Variants in PBRM1 observed in about 807,000 individuals in gnomAD.
The protein encoded by PBRM1 is protein polybromo-1.
Under a neutral mutation model 194.5 loss-of-function variants are expected in PBRM1, and 27 were observed. The ratio of observed to expected loss-of-function variants is 0.14; its 90% confidence interval spans 0.10 to 0.19. The LOEUF is 0.19. PBRM1 is among the 10% of genes least tolerant of loss of function. PBRM1 has a pLI of 1.00. For synonymous variants in PBRM1, 655 were observed against 693.2 expected (o/e 0.94, Z 0.87); for missense variants, 1,466 against 2,077.2 (o/e 0.71, Z 5.72).
chr3:52,556,676 G>C (rs2082283792), intron 26 of PBRM1, among the ~76,000 whole-genome samples: 1 of 152,226 alleles, frequency 6.6e-6, no homozygotes, highest in Non-Finnish European at 1.5e-5. Context: ...ACAGCAACAA[G>C]GCTAATAAGT....
At chr3:52,617,402 T>C (rs2095022978) in exon 14 of PBRM1, 1 of 1,614,008 alleles carries the variant, frequency 6.2e-7, no homozygotes, top group African/African-American at 1.3e-5. Context: ...AAGATGATTT[T>C]ATAATAATCA....
In PBRM1 at chr3:52,617,622, T is replaced by C. The variant is rs77006504; in HGVS notation, c.1542-84A>G. On this transcript the variant is annotated intron_variant, in intron 13 of 29. Transcript: ENST00000296302. ...ACGGATGACCACAAAATAAAACAAA[T>C]TATTTATGGTGCTTTATAATGATTA... 134 of 912,720 alleles carry C rather than the reference T, an allele frequency of 1.5e-4. 1 individual carries two copies. The East Asian group carries it at 3.2e-3, about 22-fold the overall frequency. The allele number at this position is 912,720 out of a possible 1,614,324, so 56.5% of individuals were successfully genotyped here.
chr3:52,672,814 G>T (rs776740714), intron 2 of PBRM1, among the ~76,000 whole-genome samples: 3 of 150,826 alleles, frequency 2.0e-5, no homozygotes, highest in Admixed American at 2.0e-4. Flanking sequence ...GTTTTGAAGA[G>T]AATAGTGATT....
At chr3:52,654,008 C>T (rs911158696) in intron 5 of PBRM1, among the ~76,000 whole-genome samples, 1 of 152,170 alleles carries the variant, frequency 6.6e-6, no homozygotes, top group Non-Finnish European at 1.5e-5. Flanking sequence ...GTCCTTGAAG[C>T]TTTCACAACA....
upstream of PBRM1, chr3:52,679,778 A>T: frequency 1.4e-6 from 2 of 1,457,494 alleles, no homozygotes; most frequent in Non-Finnish European, 1.9e-6. Context: ...TCTGTCACCA[A>T]GTCTTCAGCT....
intron 2 of PBRM1, among the ~76,000 whole-genome samples, chr3:52,675,433 C>T (rs2097076922): frequency 6.6e-6 from 1 of 152,170 alleles, no homozygotes; most frequent in African/African-American, 2.4e-5. Context: ...ATCAATATCC[C>T]TTATGAATAC....
chr3:52,636,999 A>T lies in PBRM1; in HGVS notation c.1088-2184T>A, dbSNP rs143476506. Among the ~76,000 whole-genome samples the T allele has an allele frequency of 4.0e-3, 612 of 152,202 alleles. 3 individuals are homozygous for T. Among genetic ancestry groups the T allele is most frequent in the South Asian group, 0.023 (110 of 4,824 alleles). On this transcript the variant is annotated intron_variant, in intron 10 of 29. Transcript: ENST00000296302. The stretch of plus-strand genomic sequence containing the variant: ...GGCATATGAGGTTAATTACTTGCAC[A>T]AGTTCAGCCACCACATAAAGCAGTT...
intron 26 of PBRM1, 40 bp downstream of exon 28, chr3:52,558,209 T>C (rs2082641161): frequency 7.0e-7 from 1 of 1,428,750 alleles, no homozygotes; most frequent in East Asian, 2.5e-5. Flanking sequence ...TGAAGGAATT[T>C]CTTAAAGTGG....
At chr3:52,617,897 T>C (rs778200351) in intron 13 of PBRM1, among the ~76,000 whole-genome samples, 2 of 152,216 alleles carry the variant, frequency 1.3e-5, no homozygotes, top group Non-Finnish European at 2.9e-5. Flanking sequence ...ACAGCCAAAG[T>C]GCAATAAAAC....
At chr3:52,591,999 G>A (rs1272842748) in intron 17 of PBRM1, among the ~76,000 whole-genome samples, 1 of 147,922 alleles carries the variant, frequency 6.8e-6, no homozygotes, top group Admixed American at 6.8e-5. Flanking sequence ...GCTAATTTTT[G>A]TATTTTTAGT....
At chr3:52,567,524 A>C (rs937972582) in intron 22 of PBRM1, among the ~76,000 whole-genome samples, 4 of 150,386 alleles carry the variant, frequency 2.7e-5, no homozygotes, top group Admixed American at 2.6e-4. Flanking sequence ...TCAACTAGTG[A>C]GAAATGTCTT....
intron 15 of PBRM1, 77 bp from the exon 18 acceptor site, chr3:52,610,032 A>G: frequency 1.2e-6 from 1 of 850,662 alleles, no homozygotes; most frequent in Non-Finnish European, 1.7e-6. Flanking sequence ...CATAACCACA[A>G]GGGACGATTC....
At chr3:52,594,551 T>C (rs1254290581) in intron 17 of PBRM1, among the ~76,000 whole-genome samples, 1 of 152,198 alleles carries the variant, frequency 6.6e-6, no homozygotes, top group Non-Finnish European at 1.5e-5. Flanking sequence ...TTGCCACTCT[T>C]GTTTCTTTTA....
At chr3:52,585,433 T>C (rs1475054172) in intron 20 of PBRM1, 1 of 152,258 alleles carries the variant, frequency 6.6e-6, no homozygotes, top group Non-Finnish European at 1.5e-5. Context: ...GATTCCATTT[T>C]GGTAATTTGT....
intron 20 of PBRM1, among the ~76,000 whole-genome samples, chr3:52,581,493 T>G (rs2091168848): frequency 6.9e-6 from 1 of 145,778 alleles, no homozygotes; most frequent in Admixed American, 6.9e-5. Context: ...CTGGGCAGAC[T>G]CTGTCTCAAA....
intron 13 of PBRM1, among the ~76,000 whole-genome samples, chr3:52,617,845 T>C (rs906385973): frequency 1.3e-5 from 2 of 152,180 alleles, no homozygotes; most frequent in African/African-American, 4.8e-5. Context: ...GAAAATGAAA[T>C]TATATAGTCA....
intron 29 of PBRM1, among the ~76,000 whole-genome samples, 194 bp from the exon 32 acceptor site, chr3:52,548,429 ATT>A (rs372814552): frequency 1.2e-4 from 18 of 145,526 alleles, no homozygotes; most frequent in Admixed American, 1.4e-4. Flanking sequence ...TTGATCATAA[ATT>A]TTTTTTTTTT....
At chr3:52,674,781 G>A (rs1350083335) in intron 2 of PBRM1, among the ~76,000 whole-genome samples, 8 of 149,524 alleles carry the variant, frequency 5.4e-5, no homozygotes, top group South Asian at 2.1e-4. Flanking sequence ...TAAAAAATAC[G>A]TTATATATAC....
At chr3:52,576,232 G>A (rs981555179) in intron 22 of PBRM1, among the ~76,000 whole-genome samples, 1 of 152,104 alleles carries the variant, frequency 6.6e-6, no homozygotes, top group Non-Finnish European at 1.5e-5. Context: ...ACTATCAATG[G>A]AGAATTCTAT....
Sources: allele counts gnomAD v4.1 joint callset (sites outside exome capture counted in the v4.1 genomes callset), GRCh38; gene constraint gnomAD v4.1.1; transcripts MANE v1.5; gene names NCBI Gene and HGNC (gene_info 2026-07-23, HGNC 2026-07-21).